The following FGF12 variants were observed in gnomAD, a reference collection of about 807,000 sequenced individuals.
The protein encoded by FGF12 is fibroblast growth factor 12.
In FGF12, 14 loss-of-function variants were observed where a neutral mutation model predicts 23.6. That is an observed-to-expected ratio of 0.59 (90% CI 0.39 to 0.93). The LOEUF (loss-of-function observed/expected upper bound fraction) is 0.93. FGF12 is among the 40% of genes least tolerant of loss of function. The pLI is 0.00. For synonymous variants in FGF12, 62 were observed against 77.3 expected (o/e 0.80, Z 1.04); for missense variants, 175 against 217.8 (o/e 0.80, Z 1.24).
chr3:192,372,728 T>C (rs1001744488), intron 2 of FGF12, among the ~76,000 whole-genome samples: 2 of 152,198 alleles, frequency 1.3e-5, no homozygotes. Flanking sequence ...ACAGTCAAGG[T>C]AATATTTTAC....
At chr3:192,365,937 G>A (rs7642200) in intron 2 of FGF12, among the ~76,000 whole-genome samples, 9,989 of 148,710 alleles carry the variant, frequency 0.067, 363 homozygotes, top group South Asian at 0.12. Context: ...AATTTTAGAC[G>A]TGGAAAGGAT....
chr3:192,614,916 T>C (rs1269878444), intron 2 of FGF12, among the ~76,000 whole-genome samples: 1 of 152,006 alleles, frequency 6.6e-6, no homozygotes. Context: ...TTTTGTTTTA[T>C]TTGTTTACAG....
At chr3:192,335,317 T>C in intron 4 of FGF12, 44 bp downstream of exon 4, 2 of 1,254,496 alleles carry the variant, frequency 1.6e-6, no homozygotes, top group Non-Finnish European at 2.3e-6. Context: ...CTCTCAGTGG[T>C]AGTTCACACA....
chr3:192,677,439 C>T (rs944956305), intron 2 of FGF12, among the ~76,000 whole-genome samples: 21 of 152,242 alleles, frequency 1.4e-4, no homozygotes, highest in Admixed American at 7.2e-4. Context: ...TGGCCCAGAG[C>T]GTTTTATACA....
chr3:192,201,359 G>A (rs1000420368), intron 4 of FGF12, among the ~76,000 whole-genome samples: 5 of 152,198 alleles, frequency 3.3e-5, no homozygotes, highest in Admixed American at 2.6e-4. Context: ...AAAGGGGCAG[G>A]CAAGGGCAAA....
chr3:192,551,852 T>C (rs1293998925), intron 2 of FGF12, among the ~76,000 whole-genome samples: 1 of 151,732 alleles, frequency 6.6e-6, no homozygotes, highest in African/African-American at 2.4e-5. Context: ...GTAGGAAAAA[T>C]GTGACCCATA....
At chr3:192,682,428 AAT>A (rs1448047649) in intron 2 of FGF12, among the ~76,000 whole-genome samples, 1 of 152,192 alleles carries the variant, frequency 6.6e-6, no homozygotes, top group Non-Finnish European at 1.5e-5. Flanking sequence ...GCTGTTTACT[AAT>A]AACTAGCTTG....
chr3:192,429,653 T>C (rs1055104489), intron 2 of FGF12, among the ~76,000 whole-genome samples: 1 of 152,214 alleles, frequency 6.6e-6, no homozygotes, highest in African/African-American at 2.4e-5. Context: ...TAGATATTAA[T>C]GCACTTGTGT....
intron 2 of FGF12, among the ~76,000 whole-genome samples, chr3:192,439,799 A>AC: frequency 6.6e-6 from 1 of 151,702 alleles, no homozygotes; most frequent in Non-Finnish European, 1.5e-5. Context: ...AGATGGTGAA[A>AC]CCCCGTCTCT....
At chr3:192,721,927 G>A (rs988592703) in intron 2 of FGF12, among the ~76,000 whole-genome samples, 8 of 152,042 alleles carry the variant, frequency 5.3e-5, no homozygotes, top group African/African-American at 9.7e-5. Context: ...CTAGCCTCCC[G>A]GATAACCTAC....
intron 2 of FGF12, among the ~76,000 whole-genome samples, chr3:192,436,534 A>G (rs1722035640): frequency 6.6e-6 from 1 of 152,200 alleles, no homozygotes; most frequent in South Asian, 2.1e-4. Flanking sequence ...GTAAACGAGC[A>G]ATCATGAATA....
At chr3:192,584,628 C>T (rs996105609) in intron 2 of FGF12, among the ~76,000 whole-genome samples, 2 of 152,146 alleles carry the variant, frequency 1.3e-5, no homozygotes, top group African/African-American at 4.8e-5. Context: ...TCCTTCATCC[C>T]TGGCCTTATC....
Position 192,143,701 on chromosome 3 carries a change from A to G in FGF12, c.*308T>C, listed in dbSNP as rs1309248248. 8.4e-6 allele frequency: 2 copies of G among 237,104 alleles called. No homozygotes were observed. The highest frequency in any genetic ancestry group is 2.3e-5 in the African/African-American group (1 of 44,118). The allele number at this position is 237,104 out of a possible 1,614,324, so 14.7% of individuals were successfully genotyped here. On this transcript the variant is annotated 3_prime_UTR_variant, in exon 6 of 6. Transcript: ENST00000445105. ...CATCTTTATTAATGTCTTCATTACA[A>G]TTAGCCTTCTACTAATAACAATACA... is the stretch of plus-strand genomic sequence containing the variant.
intron 4 of FGF12, among the ~76,000 whole-genome samples, chr3:192,264,158 G>A (rs763784186): frequency 2.0e-5 from 3 of 151,900 alleles, no homozygotes; most frequent in Admixed American, 6.6e-5. Context: ...AGAGTATTCC[G>A]ATTTGTTTTC....
chr3:192,681,910 G>A (rs982318873), intron 2 of FGF12, among the ~76,000 whole-genome samples: 2 of 151,922 alleles, frequency 1.3e-5, no homozygotes, highest in African/African-American at 4.8e-5. Context: ...TGTGCCCCAA[G>A]AAAAAAACAC....
intron 2 of FGF12, among the ~76,000 whole-genome samples, chr3:192,646,141 G>A (rs1460538719): frequency 6.6e-6 from 1 of 152,142 alleles, no homozygotes; most frequent in African/African-American, 2.4e-5. Context: ...CATGTACCCA[G>A]GATGAGAGGT....
At chr3:192,278,813 C>A (rs910875673) in intron 4 of FGF12, among the ~76,000 whole-genome samples, 2 of 152,118 alleles carry the variant, frequency 1.3e-5, no homozygotes, top group African/African-American at 4.8e-5. Context: ...TAAGCGCTAC[C>A]CCCAGATTCT....
At chr3:192,639,767 A>G (rs1318109642) in intron 2 of FGF12, among the ~76,000 whole-genome samples, 1 of 152,222 alleles carries the variant, frequency 6.6e-6, no homozygotes, top group Non-Finnish European at 1.5e-5. Context: ...AGATATTACA[A>G]GTAATGTAGA....
At chr3:192,268,138 G>A (rs1713194917) in intron 4 of FGF12, among the ~76,000 whole-genome samples, 1 of 152,118 alleles carries the variant, frequency 6.6e-6, no homozygotes, top group African/African-American at 2.4e-5. Flanking sequence ...TATTTCCTAT[G>A]CCAGATGTAG....
Sources: gnomAD v4.1 joint callset for allele counts (sites outside exome capture counted in the v4.1 genomes callset) on GRCh38, gnomAD v4.1.1 for gene constraint, MANE v1.5 for transcripts, NCBI Gene and HGNC (gene_info 2026-07-23, HGNC 2026-07-21) for gene names.